RNF130: variants seen among roughly 807,000 people sequenced by gnomAD.
RNF130 encodes the protein ring finger protein 130, also known as E3 ubiquitin-protein ligase RNF130.
In RNF130, 21 loss-of-function variants were observed where a neutral mutation model predicts 44.6. That is an observed-to-expected ratio of 0.47 (90% CI 0.33 to 0.68). RNF130 has a LOEUF of 0.68. Ranked by LOEUF, RNF130 falls within the 30% of genes least tolerant of loss-of-function variation. The probability of loss-of-function intolerance (pLI) is 0.02; values close to 1 mark genes in which losing one functional copy is unlikely to be tolerated. For synonymous variants in RNF130, 214 were observed against 210.4 expected (o/e 1.02, Z -0.15); for missense variants, 479 against 560.6 (o/e 0.85, Z 1.47).
intron 1 of RNF130, among the ~76,000 whole-genome samples, chr5:180,055,248 CAAAAAAAAAAAAAAAAAA>C (rs1205914690): frequency 9.5e-5 from 2 of 20,980 alleles, no homozygotes. Context: ...GGTTCTGTCT[CAAAAAAAAAAAAAAAAAA>C]AAAAAAAAAA....
At chr5:179,922,292 C>T (rs1031817148) in intron 7 of RNF130, among the ~76,000 whole-genome samples, 1 of 152,066 alleles carries the variant, frequency 6.6e-6, no homozygotes, top group Non-Finnish European at 1.5e-5. Context: ...ATTAAAAAAA[C>T]TGGGCTTTTA....
At chr5:179,930,308 G>T (rs1276562849) in intron 7 of RNF130, among the ~76,000 whole-genome samples, 1 of 152,082 alleles carries the variant, frequency 6.6e-6, no homozygotes, top group Non-Finnish European at 1.5e-5. Flanking sequence ...TGCCCGCCTT[G>T]GCCTCCCAGA....
intron 2 of RNF130, among the ~76,000 whole-genome samples, chr5:180,014,981 C>CA (rs1010376636): frequency 2.0e-5 from 3 of 151,046 alleles, no homozygotes; most frequent in East Asian, 1.9e-4. Context: ...GCAAGACCCT[C>CA]AAAAAAAAGA....
intron 6 of RNF130, among the ~76,000 whole-genome samples, chr5:179,968,333 T>C (rs1035455757): frequency 4.0e-5 from 6 of 149,748 alleles, no homozygotes; most frequent in African/African-American, 1.5e-4. Flanking sequence ...AGGCGGCGGC[T>C]AGCGGTAACA....
chr5:179,985,210 C>T (rs535795221), intron 3 of RNF130, among the ~76,000 whole-genome samples: 59 of 118,232 alleles, frequency 5.0e-4, no homozygotes, highest in Non-Finnish European at 7.7e-4. Flanking sequence ...ATTTCCTTGA[C>T]TGGCTCTATC....
intron 7 of RNF130, among the ~76,000 whole-genome samples, chr5:179,929,573 TC>T (rs1488404349): frequency 6.6e-6 from 1 of 151,714 alleles, no homozygotes; most frequent in African/African-American, 2.4e-5. Flanking sequence ...CATGGCAAAA[TC>T]CCATCTCTAC....
chr5:180,027,709 C>G (rs1582201517), intron 2 of RNF130, among the ~76,000 whole-genome samples: 1 of 152,332 alleles, frequency 6.6e-6, no homozygotes, highest in East Asian at 1.9e-4. Flanking sequence ...CACACGTCAC[C>G]TGTGGGGCTT....
At position 179,955,471 on chromosome 5, in the gene RNF130, A is replaced by G. The variant is rs919911232; in HGVS notation, c.*183T>C. 5 of 528,608 alleles carry G rather than the reference A, an allele frequency of 9.5e-6. No homozygotes were observed. The highest frequency in any genetic ancestry group is 7.7e-5 in the African/African-American group (4 of 51,896). The allele number at this position is 528,608 out of a possible 1,614,324, so 32.7% of individuals were successfully genotyped here. On this transcript the variant is annotated 3_prime_UTR_variant, in exon 9 of 9. Transcript: ENST00000521389. ...ACAGGTCTGGTTAATAAGACTCAAC[A>G]GCACAGACTTTTTATTTTATTATTT...
chr5:180,014,173 A>G lies in RNF130; in HGVS notation c.443-862T>C, dbSNP rs143786141. Reference sequence around the variant, plus strand: ...TACGAGGACAGTCTTAAGTTGCCTTATAGTTACCTAGACCTTTCCCCTACA... The same window carrying G: ...TACGAGGACAGTCTTAAGTTGCCTTGTAGTTACCTAGACCTTTCCCCTACA... On this transcript the variant is annotated intron_variant, in intron 2 of 8. Coordinates refer to ENST00000521389, the MANE Select transcript of RNF130 (RefSeq NM_018434.6). 5.1e-4 allele frequency among the ~76,000 whole-genome samples: 78 copies of G among 152,370 alleles called. No homozygotes were observed. The East Asian group carries it at 6.7e-3, about 13-fold the overall frequency.
At position 179,933,398 on chromosome 5, in the gene RNF130, T is replaced by TTGTTTGTGTGTGTGTGTGTG. The variant is rs1554100040; in HGVS notation, c.1151-12973_1151-12972insCACACACACACACACAAACA. 3.8e-3 allele frequency among the ~76,000 whole-genome samples: 542 copies of TTGTTTGTGTGTGTGTGTGTG among 143,488 alleles called. 10 individuals carry two copies. Among genetic ancestry groups the TTGTTTGTGTGTGTGTGTGTG allele is most frequent in the African/African-American group, 0.013 (498 of 38,364 alleles). 94.1% of individuals were successfully genotyped at this position (143,488 alleles called of 152,430 possible). On this transcript the variant is annotated intron_variant, in intron 7 of 7. Coordinates refer to the RNF130 transcript ENST00000522208. ...ACTAACAATGTTCTCATAACCCTAT[T>TTGTTTGTGTGTGTGTGTGTG]TGTGTGTGTGTGTGTGTGTGTGTGA...
chr5:179,934,307 TCTTGC>T, intron 7 of RNF130: 1 of 155,100 alleles, frequency 6.4e-6, no homozygotes, highest in Admixed American at 6.4e-5. Context: ...AACTTTTTCA[TCTTGC>T]AAATCTGAAA....
At chr5:179,978,079 G>A (rs1762756928) in intron 5 of RNF130, 124 bp downstream of exon 5, 6 of 760,754 alleles carry the variant, frequency 7.9e-6, no homozygotes, top group Non-Finnish European at 1.4e-5. Flanking sequence ...ATGCACAGCG[G>A]ACTTGGCCTC....
intron 2 of RNF130, among the ~76,000 whole-genome samples, chr5:180,014,450 A>T (rs1270522324): frequency 6.6e-6 from 1 of 152,198 alleles, no homozygotes. Context: ...AAGGGAAATA[A>T]ATATTTTATT....
At chr5:179,922,909 G>C (rs1235270362) in intron 7 of RNF130, among the ~76,000 whole-genome samples, 3 of 152,002 alleles carry the variant, frequency 2.0e-5, no homozygotes, top group Admixed American at 1.3e-4. Flanking sequence ...CCTCCAGCCT[G>C]TGCTACAGAA....
At chr5:180,070,469 T>A (rs1765225404) in intron 1 of RNF130, among the ~76,000 whole-genome samples, 1 of 152,236 alleles carries the variant, frequency 6.6e-6, no homozygotes, top group South Asian at 2.1e-4. Context: ...AGGGGCATAA[T>A]ATGTTAGTAT....
intron 1 of RNF130, among the ~76,000 whole-genome samples, chr5:180,043,414 T>C (rs948821622): frequency 2.6e-5 from 4 of 152,178 alleles, no homozygotes; most frequent in African/African-American, 9.7e-5. Flanking sequence ...CTATGTTGTC[T>C]TGGTGATCCA....
intron 7 of RNF130, among the ~76,000 whole-genome samples, chr5:179,948,738 G>T (rs918763540): frequency 3.3e-5 from 5 of 152,058 alleles, no homozygotes; most frequent in Non-Finnish European, 7.4e-5. Context: ...AAATAATTTG[G>T]AAGATAAAAA....
At chr5:179,992,292 C>T (rs2113033855) in intron 3 of RNF130, among the ~76,000 whole-genome samples, 1 of 152,258 alleles carries the variant, frequency 6.6e-6, no homozygotes, top group African/African-American at 2.4e-5. Flanking sequence ...CAGGCACCCG[C>T]CACCATGCCC....
At chr5:180,005,459 A>G (rs1266873885) in intron 3 of RNF130, among the ~76,000 whole-genome samples, 1 of 152,066 alleles carries the variant, frequency 6.6e-6, no homozygotes, top group Admixed American at 6.6e-5. Flanking sequence ...ACCAACAGAA[A>G]CCATATTGAT....
Sources: allele counts gnomAD v4.1 joint callset (sites outside exome capture counted in the v4.1 genomes callset), GRCh38; gene constraint gnomAD v4.1.1; transcripts MANE v1.5; gene names NCBI Gene and HGNC (gene_info 2026-07-23, HGNC 2026-07-21).